FHIT: variants seen among roughly 807,000 people sequenced by gnomAD.
FHIT encodes the protein fragile histidine triad diadenosine triphosphatase.
In FHIT, 19 loss-of-function variants were observed where a neutral mutation model predicts 17.9. That is an observed-to-expected ratio of 1.06 (90% CI 0.74 to 1.56). The LOEUF (loss-of-function observed/expected upper bound fraction) is 1.56, where lower values mean the gene tolerates loss of function less well. FHIT is among the 40% of genes most tolerant of loss of function. The probability of loss-of-function intolerance (pLI) is 0.00; values close to 1 mark genes in which losing one functional copy is unlikely to be tolerated. For synonymous variants in FHIT, 81 were observed against 69.7 expected (o/e 1.16, Z -0.81); for missense variants, 248 against 189.2 (o/e 1.31, Z -1.82).
chr3:60,634,830 T>C (rs1018189024), intron 4 of FHIT, among the ~76,000 whole-genome samples: 1 of 152,206 alleles, frequency 6.6e-6, no homozygotes, highest in African/African-American at 2.4e-5. Context: ...AGGGATTTGT[T>C]TTAACATGAT....
At chr3:60,290,524 G>C (rs144894750) in intron 5 of FHIT, among the ~76,000 whole-genome samples, 1 of 152,116 alleles carries the variant, frequency 6.6e-6, no homozygotes, top group Non-Finnish European at 1.5e-5. Context: ...GCCAACAACC[G>C]TGTGAGTGAA....
At chr3:60,189,987 T>A (rs1427830022) in intron 5 of FHIT, among the ~76,000 whole-genome samples, 1 of 152,178 alleles carries the variant, frequency 6.6e-6, no homozygotes, top group Non-Finnish European at 1.5e-5. Context: ...TAGGAACCCA[T>A]CTGACCTGCA....
intron 5 of FHIT, among the ~76,000 whole-genome samples, chr3:60,112,643 G>C (rs1704727376): frequency 6.6e-6 from 1 of 152,080 alleles, no homozygotes; most frequent in Non-Finnish European, 1.5e-5. Context: ...TTTTGAAGCT[G>C]GCTAAAAGAG....
intron 3 of FHIT, among the ~76,000 whole-genome samples, chr3:60,885,822 ACCT>A (rs1344714827): frequency 2.0e-5 from 3 of 152,008 alleles, no homozygotes; most frequent in Non-Finnish European, 4.4e-5. Context: ...CTCAAATATC[ACCT>A]CCTCCAGATG....
intron 5 of FHIT, among the ~76,000 whole-genome samples, chr3:60,457,155 G>T (rs61039504): frequency 6.6e-6 from 1 of 151,942 alleles, no homozygotes; most frequent in Non-Finnish European, 1.5e-5. Flanking sequence ...AAAGCTGGAG[G>T]CATCACACTA....
intron 5 of FHIT, among the ~76,000 whole-genome samples, chr3:60,365,832 T>G (rs112211016): frequency 0.018 from 2,682 of 152,260 alleles, 71 homozygotes; most frequent in African/African-American, 0.057. Context: ...TTGATTTCAT[T>G]ATGGAACATT....
intron 2 of FHIT, among the ~76,000 whole-genome samples, chr3:61,118,358 T>C (rs890211110): frequency 3.3e-5 from 5 of 152,092 alleles, no homozygotes; most frequent in Admixed American, 2.0e-4. Context: ...CAGTCTGAGA[T>C]GTGAGCAGAG....
At chr3:60,118,786 G>C (rs1303199845) in intron 5 of FHIT, among the ~76,000 whole-genome samples, 10 of 136,012 alleles carry the variant, frequency 7.4e-5, no homozygotes, top group South Asian at 5.3e-4. Context: ...GGGGGGGGGG[G>C]GTGGTGAATC....
intron 3 of FHIT, among the ~76,000 whole-genome samples, chr3:60,989,954 A>G (rs1387430330): frequency 6.6e-6 from 1 of 152,170 alleles, no homozygotes; most frequent in Non-Finnish European, 1.5e-5. Flanking sequence ...TGGGGTAATA[A>G]GAAATTCTGC....
chr3:61,115,656 G>A (rs2036279662), intron 2 of FHIT, among the ~76,000 whole-genome samples: 1 of 152,164 alleles, frequency 6.6e-6, no homozygotes, highest in Admixed American at 6.5e-5. Context: ...ATAAAAGGAT[G>A]GAAGTGCCAT....
At chr3:59,880,257 A>G (rs1236774269) in intron 8 of FHIT, among the ~76,000 whole-genome samples, 1 of 151,784 alleles carries the variant, frequency 6.6e-6, no homozygotes, top group Non-Finnish European at 1.5e-5. Flanking sequence ...CCTCCCCAAG[A>G]CCTTGTGCCT....
chr3:60,450,591 G>C (rs967002633), intron 5 of FHIT, among the ~76,000 whole-genome samples: 2 of 152,134 alleles, frequency 1.3e-5, no homozygotes, highest in Non-Finnish European at 2.9e-5. Flanking sequence ...AGCAGGAAGA[G>C]AGATTTTAAA....
intron 4 of FHIT, among the ~76,000 whole-genome samples, chr3:60,715,431 C>T (rs543134222): frequency 2.0e-5 from 3 of 151,870 alleles, no homozygotes; most frequent in South Asian, 4.2e-4. Flanking sequence ...CATGGAATAC[C>T]ATGCAGCCGT....
chr3:60,786,778 G>A (rs1039755832), intron 4 of FHIT, among the ~76,000 whole-genome samples: 17 of 152,068 alleles, frequency 1.1e-4, no homozygotes, highest in African/African-American at 3.9e-4. Flanking sequence ...CACAAAGTAG[G>A]GATCTGAGAA....
chr3:61,246,924 T>C (rs1040777093), intron 1 of FHIT, among the ~76,000 whole-genome samples: 5 of 152,084 alleles, frequency 3.3e-5, no homozygotes, highest in African/African-American at 1.2e-4. Flanking sequence ...TGCAGCCTTA[T>C]TCTCTCCACC....
At chr3:60,284,354 C>T (rs1057381131) in intron 5 of FHIT, among the ~76,000 whole-genome samples, 13 of 152,056 alleles carry the variant, frequency 8.5e-5, no homozygotes, top group Non-Finnish European at 1.6e-4. Context: ...ACAAAATATC[C>T]TCACTGAACA....
At chr3:60,742,340 G>A (rs1457119212) in intron 4 of FHIT, among the ~76,000 whole-genome samples, 1 of 152,130 alleles carries the variant, frequency 6.6e-6, no homozygotes, top group African/African-American at 2.4e-5. Flanking sequence ...ATGATAGCCT[G>A]GAAAAATCAA....
rs528547853 is a variant in FHIT, at chr3:59,994,819, G to A, written c.279+16552C>T. On this transcript the variant is annotated intron_variant, in intron 7 of 9. Transcript: ENST00000492590. ...GCCAAGGAGGTATAAAGCTCAGAAC[G>A]TGACATGCAATTTTTAAGCCCTCCT... Among the ~76,000 whole-genome samples, 11 of 152,188 alleles carry A rather than the reference G, an allele frequency of 7.2e-5. No homozygotes were observed. The South Asian group carries it at 1.9e-3, about 26-fold the overall frequency.
intron 3 of FHIT, among the ~76,000 whole-genome samples, chr3:60,993,335 C>T (rs140675903): frequency 2.6e-4 from 39 of 152,286 alleles, no homozygotes; most frequent in East Asian, 1.2e-3. Flanking sequence ...GCTTTCATTC[C>T]GGATTCAGAC....
Sources: gnomAD v4.1 joint callset for allele counts (sites outside exome capture counted in the v4.1 genomes callset) on GRCh38, gnomAD v4.1.1 for gene constraint, MANE v1.5 for transcripts, NCBI Gene and HGNC (gene_info 2026-07-23, HGNC 2026-07-21) for gene names.